The following SVIL variants were observed in gnomAD, a reference collection of about 807,000 sequenced individuals.
SVIL encodes the protein supervillin.
Under a neutral mutation model 240.4 loss-of-function variants are expected in SVIL, and 101 were observed. The ratio of observed to expected loss-of-function variants is 0.42; its 90% CI spans 0.36 to 0.50. The LOEUF (loss-of-function observed/expected upper bound fraction) is 0.50. Ranked by LOEUF, SVIL falls within the 20% of genes least tolerant of loss-of-function variation. SVIL has a pLI of 0.01. For synonymous variants in SVIL, 999 were observed against 1,100.0 expected (o/e 0.91, Z 1.82); for missense variants, 2,512 against 2,818.7 (o/e 0.89, Z 2.46).
chr10:29,716,906 A>G (rs1008478181), intron 1 of SVIL, among the ~76,000 whole-genome samples: 2 of 152,212 alleles, frequency 1.3e-5, no homozygotes, highest in African/African-American at 4.8e-5. Context: ...CAAAAAAAGA[A>G]TGCTTGCTGA....
chr10:29,670,114 CA>C (rs1166569293), intron 2 of SVIL, among the ~76,000 whole-genome samples: 4,190 of 131,858 alleles, frequency 0.032, 189 homozygotes, highest in African/African-American at 0.1. Context: ...GACTCCATCT[CA>C]AAAAAAAAAA....
chr10:29,524,788 T>C (rs1308774480), intron 13 of SVIL, 73 bp from the exon 14 acceptor site: 5 of 1,584,816 alleles, frequency 3.2e-6, no homozygotes, highest in Admixed American at 3.5e-5. Context: ...TACGTTAACT[T>C]TCTGCCAAGT....
intron 1 of SVIL, among the ~76,000 whole-genome samples, chr10:29,612,019 T>TC (rs1220507678): frequency 6.6e-6 from 1 of 152,050 alleles, no homozygotes; most frequent in Non-Finnish European, 1.5e-5. Context: ...GGCTCGTTTT[T>TC]CTCCAGAAAT....
rs770978443 is a variant in SVIL, at chr10:29,550,870, T to C, written c.554A>G (p.Tyr185Cys). The C allele has an allele frequency of 3.7e-6, 6 of 1,614,002 alleles. No individual in the cohort carries two copies. In the South Asian group the frequency reaches 4.4e-5, roughly 12 times the overall value. Residue 185 changes from tyrosine (Y) to cysteine (C), a missense_variant, in exon 6 of 38, where the codon TAT becomes TGT. Physicochemically the swap from Tyr to Cys is radical, Grantham distance 194. This residue lies in a region of SVIL where 1,443 missense variants were observed against 1,486.6 expected (regional missense o/e 0.97). Coordinates refer to ENST00000355867, the MANE Select transcript of SVIL (RefSeq NM_021738.3). ...AGAGCCGTCACCCACATGGAGGGCA[T>C]AGTCCTTGGATTCACCGGCACAGGT... ...LRTCAGESKDYALHVGDGSSD... is the reference protein window; with the variant it reads ...LRTCAGESKDCALHVGDGSSD...
rs747422829 is a variant in SVIL, at chr10:29,486,518, G to C, written c.4525C>G (p.Leu1509Val). Residue 1509 changes from leucine to valine, a missense_variant, in exon 25 of 38, where the codon CTT becomes GTT. Physicochemically the swap from Leu to Val is conservative, Grantham distance 32. Transcript: ENST00000355867. ...LATLIQTKRELGCRATYIQTI... is the reference protein window; with the variant it reads ...LATLIQTKREVGCRATYIQTI... ...TGGATATAAGTAGCTCTACAACCAAGTTCCCTCTTTGTCTGAATTAAAGTT... is the reference window on the plus strand; with the variant it reads ...TGGATATAAGTAGCTCTACAACCAACTTCCCTCTTTGTCTGAATTAAAGTT... 5 of 1,614,066 alleles carry C rather than the reference G, an allele frequency of 3.1e-6. No homozygotes were observed. In the East Asian group the frequency reaches 1.1e-4, roughly 36 times the overall value.
chr10:29,705,003 C>T (rs148566521), intron 1 of SVIL, among the ~76,000 whole-genome samples: 1 of 152,242 alleles, frequency 6.6e-6, no homozygotes, highest in African/African-American at 2.4e-5. Context: ...ACATTTGGTG[C>T]TGATTTTTAA....
chr10:29,479,133 A>G (rs769989206), intron 29 of SVIL, among the ~76,000 whole-genome samples: 2 of 152,026 alleles, frequency 1.3e-5, no homozygotes, highest in Non-Finnish European at 2.9e-5. Context: ...TGCTGGTTCA[A>G]TGCTGACCTG....
rs74129285 is a variant in SVIL at position 29,461,686 on chromosome 10, A to G, written c.6402+591T>C. Among the ~76,000 whole-genome samples, 501 of 152,358 alleles carry G rather than the reference A, an allele frequency of 3.3e-3. 2 individuals are homozygous for G. Among genetic ancestry groups the G allele is most frequent in the African/African-American group, 0.011 (472 of 41,582 alleles). On this transcript the variant is annotated intron_variant, in intron 36 of 37. Coordinates refer to ENST00000355867, the MANE Select transcript of SVIL (RefSeq NM_021738.3). Reference sequence around the variant, plus strand: ...AAAATTCTTTCCTGTGTGGTTGGAAAAGAAAACATTCTAGATTATAATATA... The same window carrying G: ...AAAATTCTTTCCTGTGTGGTTGGAAGAGAAAACATTCTAGATTATAATATA...
intron 2 of SVIL, among the ~76,000 whole-genome samples, chr10:29,564,582 C>T (rs532099043): frequency 3.3e-5 from 5 of 152,192 alleles, no homozygotes; most frequent in African/African-American, 1.2e-4. Context: ...CCGAGGAAGC[C>T]ACTGCGCATA....
intron 1 of SVIL, 92 bp from the exon 2 acceptor site, chr10:29,569,404 ATAATT>A: frequency 3.8e-6 from 2 of 530,626 alleles, no homozygotes; most frequent in Non-Finnish European, 2.4e-6. Flanking sequence ...TTTTGAACAT[ATAATT>A]TAAGAAAAAG....
At position 29,570,903 on chromosome 10, in the gene SVIL, A is replaced by C. The variant is rs187901728; in HGVS notation, c.-200-1591T>G. On this transcript the variant is annotated intron_variant, in intron 1 of 37. Coordinates refer to ENST00000355867, the MANE Select transcript of SVIL (RefSeq NM_021738.3). ...GAGAATACATAGGGCAAAATAGAGG[A>C]CCCCAGGCATTCATCGTGTTATACA... Among the ~76,000 whole-genome samples, 5 of 152,302 alleles carry C rather than the reference A, an allele frequency of 3.3e-5. No homozygotes were observed. The East Asian group carries it at 9.6e-4, about 29-fold the overall frequency.
intron 1 of SVIL, among the ~76,000 whole-genome samples, chr10:29,584,416 T>C (rs1373568574): frequency 1.3e-5 from 2 of 152,206 alleles, no homozygotes; most frequent in East Asian, 1.9e-4. Context: ...TTCCCTGCCC[T>C]GCTGCCACCA....
At chr10:29,651,113 G>A (rs542182117) in intron 3 of SVIL, among the ~76,000 whole-genome samples, 217 of 151,988 alleles carry the variant, frequency 1.4e-3, no homozygotes, top group African/African-American at 5.1e-3. Context: ...ACTCTTCTCC[G>A]AACCCCAGCC....
chr10:29,464,216 T>C (rs914575261), intron 34 of SVIL, among the ~76,000 whole-genome samples: 1 of 151,966 alleles, frequency 6.6e-6, no homozygotes, highest in African/African-American at 2.4e-5. Context: ...GAGGAAGGAC[T>C]GCTTGAGCCC....
intron 1 of SVIL, among the ~76,000 whole-genome samples, chr10:29,718,831 C>T (rs1963800307): frequency 6.6e-6 from 1 of 152,146 alleles, no homozygotes; most frequent in Admixed American, 6.6e-5. Context: ...AAAACTCAGC[C>T]AGCCATGGTG....
At chr10:29,699,545 C>A (rs912315867) in intron 1 of SVIL, among the ~76,000 whole-genome samples, 16 of 152,198 alleles carry the variant, frequency 1.1e-4, no homozygotes, top group African/African-American at 3.9e-4. Context: ...CTCAGATGAT[C>A]CACCCTCCTT....
intron 2 of SVIL, among the ~76,000 whole-genome samples, chr10:29,675,226 A>G (rs867858294): frequency 6.6e-6 from 1 of 152,178 alleles, no homozygotes. Context: ...TCAGCTGGGC[A>G]CAATGGCTCA....
At chr10:29,699,090 C>T (rs1474206087) in intron 1 of SVIL, among the ~76,000 whole-genome samples, 1 of 152,176 alleles carries the variant, frequency 6.6e-6, no homozygotes, top group Non-Finnish European at 1.5e-5. Flanking sequence ...AATACATGAA[C>T]AGATTTTAAT....
intron 26 of SVIL, among the ~76,000 whole-genome samples, chr10:29,485,404 G>C (rs2132374515): frequency 6.6e-6 from 1 of 152,272 alleles, no homozygotes; most frequent in South Asian, 2.1e-4. Context: ...CTTTCTCCTA[G>C]AATGAGTTCT....
Sources: allele counts gnomAD v4.1 joint callset (sites outside exome capture counted in the v4.1 genomes callset), GRCh38; gene constraint gnomAD v4.1.1; regional missense constraint gnomAD v4.1.1; transcripts MANE v1.5; gene names NCBI Gene and HGNC (gene_info 2026-07-23, HGNC 2026-07-21).